NFIB: variants seen among roughly 807,000 people sequenced by gnomAD.
The protein encoded by NFIB is nuclear factor 1 B-type.
A neutral mutation model predicts 61.5 loss-of-function variants in NFIB; 11 were observed. The ratio of observed to expected loss-of-function variants is 0.18; its 90% CI spans 0.11 to 0.30. The LOEUF (loss-of-function observed/expected upper bound fraction) is 0.30, where lower values mean the gene tolerates loss of function less well. NFIB is among the 10% of genes least tolerant of loss of function. NFIB has a pLI of 1.00. For missense variants in NFIB, 471 were observed against 608.9 expected, an observed-to-expected ratio of 0.77 and a Z score of 2.38; for synonymous variants, 260 against 216.5, an observed-to-expected ratio of 1.20 and a Z score of -1.76.
chr9:14,136,554 T>TACATTTAAAA (rs1394285681), intron 6 of NFIB, among the ~76,000 whole-genome samples: 6 of 152,212 alleles, frequency 3.9e-5, no homozygotes, highest in African/African-American at 1.2e-4. Context: ...GGAAAAGCCA[T>TACATTTAAAA]ACATTTAAAA....
At chr9:14,494,995 C>T in the NFIB span, among the ~76,000 whole-genome samples, 1 of 152,246 alleles carries the variant, frequency 6.6e-6, no homozygotes, top group Non-Finnish European at 1.5e-5. Flanking sequence ...AAGCCATTTA[C>T]TCCGCTTATT....
chr9:14,506,406 T>C, the NFIB span, among the ~76,000 whole-genome samples: 2 of 152,138 alleles, frequency 1.3e-5, no homozygotes, highest in Non-Finnish European at 2.9e-5. Flanking sequence ...GAACCCCTTG[T>C]CTCTAGAAGA....
intron 3 of NFIB, among the ~76,000 whole-genome samples, chr9:14,159,900 C>T (rs1321849118): frequency 6.6e-6 from 1 of 152,190 alleles, no homozygotes; most frequent in African/African-American, 2.4e-5. Flanking sequence ...TCATAGACCA[C>T]TGTAAATCTA....
chr9:14,292,754 A>C (rs2059186771), intron 2 of NFIB, among the ~76,000 whole-genome samples: 1 of 152,232 alleles, frequency 6.6e-6, no homozygotes, highest in South Asian at 2.1e-4. Context: ...AAACAAAGGA[A>C]TGGAAGAAGG....
At chr9:14,271,930 T>C (rs971614257) in intron 2 of NFIB, among the ~76,000 whole-genome samples, 14 of 152,184 alleles carry the variant, frequency 9.2e-5, no homozygotes, top group Non-Finnish European at 1.2e-4. Context: ...TTAAGGGTGC[T>C]AATAACTTTA....
chr9:14,498,040 T>C, the NFIB span, among the ~76,000 whole-genome samples: 4 of 152,170 alleles, frequency 2.6e-5, no homozygotes, highest in African/African-American at 4.8e-5. Flanking sequence ...TTAAGCTCAT[T>C]TGAATTGGGT....
chr9:14,347,583 G>A (rs968727604), intron 1 of NFIB, among the ~76,000 whole-genome samples: 1 of 149,432 alleles, frequency 6.7e-6, no homozygotes, highest in Non-Finnish European at 1.5e-5. Flanking sequence ...GGTGCGATTG[G>A]GAGAGGGGAG....
At chr9:14,304,748 C>T (rs977791278) in intron 2 of NFIB, among the ~76,000 whole-genome samples, 1 of 152,222 alleles carries the variant, frequency 6.6e-6, no homozygotes, top group Non-Finnish European at 1.5e-5. Context: ...AATAAAAAGT[C>T]ATCACTCGCG....
At chr9:14,363,218 C>A (rs901917101) in intron 1 of NFIB, among the ~76,000 whole-genome samples, 3 of 152,072 alleles carry the variant, frequency 2.0e-5, no homozygotes, top group African/African-American at 7.2e-5. Context: ...CCCTCACCCC[C>A]ACTCCTGGCA....
chr9:14,516,092 C>A, the NFIB span, among the ~76,000 whole-genome samples: 3 of 152,260 alleles, frequency 2.0e-5, no homozygotes, highest in Non-Finnish European at 4.4e-5. Context: ...CCCACAGCAG[C>A]CGAGCTGCCC....
At chr9:14,118,778 T>G (rs1587348093) in intron 8 of NFIB, among the ~76,000 whole-genome samples, 1 of 150,436 alleles carries the variant, frequency 6.6e-6, no homozygotes, top group East Asian at 1.9e-4. Context: ...CTTTTTTTTT[T>G]TTTTTTGAGA....
intron 10 of NFIB, among the ~76,000 whole-genome samples, chr9:14,090,236 A>G (rs1007647648): frequency 2.6e-5 from 4 of 152,122 alleles, no homozygotes; most frequent in African/African-American, 9.6e-5. Flanking sequence ...CATTCAAACT[A>G]AAAAGACACG....
chr9:14,237,481 T>G (rs560779371), intron 2 of NFIB, among the ~76,000 whole-genome samples: 1 of 146,164 alleles, frequency 6.8e-6, no homozygotes, highest in East Asian at 2.0e-4. Flanking sequence ...CAAAAGCTCT[T>G]CATTATGTCT....
At position 14,307,147 on chromosome 9, in the gene NFIB, A is replaced by G. The variant is rs764577744; in HGVS notation, c.404T>C (p.Val135Ala). Residue 135 changes from valine (V) to alanine (A), a missense_variant, in exon 2 of 11, where the codon GTG becomes GCG. Around this residue, in one of 2 missense-constraint regions of NFIB, gnomAD observed 99 missense variants for 213.3 expected, o/e 0.46. Coordinates refer to ENST00000380953, the MANE Select transcript of NFIB (RefSeq NM_001190737.2). This position sits in a 1 kb window ranked among gnomAD's most constrained non-coding sequence, Gnocchi z 5.3. Reference protein sequence around the residue: ...DKVWRLDLVMVILFKGIPLES... With the variant: ...DKVWRLDLVMAILFKGIPLES... Reference sequence around the variant, plus strand: ...CAAGGGGATGCCTTTGAACAGGATCACCATGACTAGATCCAGACGCCAGAC... The same window carrying G: ...CAAGGGGATGCCTTTGAACAGGATCGCCATGACTAGATCCAGACGCCAGAC... The G allele has an allele frequency of 1.2e-6, 2 of 1,614,160 alleles. No homozygotes were observed. Among genetic ancestry groups the G allele is most frequent in the Admixed American group, 3.3e-5 (2 of 60,026 alleles).
At chr9:14,118,064 G>C (rs1226418167) in intron 8 of NFIB, among the ~76,000 whole-genome samples, 1 of 151,940 alleles carries the variant, frequency 6.6e-6, no homozygotes, top group Non-Finnish European at 1.5e-5. Flanking sequence ...TTTTGAGTTG[G>C]AGTTAAAAAT....
At chr9:14,135,960 A>G (rs1363840348) in intron 6 of NFIB, among the ~76,000 whole-genome samples, 1 of 152,186 alleles carries the variant, frequency 6.6e-6, no homozygotes, top group Non-Finnish European at 1.5e-5. Flanking sequence ...CTCTTGCCAT[A>G]TATTTTAGCC....
the NFIB span, among the ~76,000 whole-genome samples, chr9:14,499,504 G>C: frequency 1.1e-4 from 16 of 152,304 alleles, no homozygotes; most frequent in Admixed American, 4.6e-4. Flanking sequence ...AACTCTCAAT[G>C]AATACTGACT....
At chr9:14,531,032 A>G in the NFIB span, among the ~76,000 whole-genome samples, 3 of 152,354 alleles carry the variant, frequency 2.0e-5, no homozygotes, top group Admixed American at 6.5e-5. Flanking sequence ...TGTCACGACT[A>G]TTGCATACAA....
Position 14,291,225 on chromosome 9 carries a change from T to A in NFIB, c.562+15764A>T, listed in dbSNP as rs190129565. On this transcript the variant is annotated intron_variant, in intron 2 of 10. Coordinates refer to ENST00000380953, the MANE Select transcript of NFIB (RefSeq NM_001190737.2). ...TTGGCCAGGCAAGGTGGCTCACGCCTGTAATCCCAGCACTTTTGGGAGGCT... is the reference window on the plus strand; with the variant it reads ...TTGGCCAGGCAAGGTGGCTCACGCCAGTAATCCCAGCACTTTTGGGAGGCT... 2.9e-3 allele frequency among the ~76,000 whole-genome samples: 439 copies of A among 152,228 alleles called. 7 individuals are homozygous for A. Among genetic ancestry groups the A allele is most frequent in the Middle Eastern group, 0.01 (3 of 294 alleles).
Sources: gnomAD v4.1 joint callset for allele counts (sites outside exome capture counted in the v4.1 genomes callset) on GRCh38, gnomAD v4.1.1 for gene constraint, gnomAD v4.1.1 regional missense constraint, Gnocchi (gnomAD v3.1) non-coding constraint, MANE v1.5 for transcripts, NCBI Gene and HGNC (gene_info 2026-07-23, HGNC 2026-07-21) for gene names.